Variants in DLC1 observed in about 807,000 individuals in gnomAD.
DLC1 encodes DLC1 Rho GTPase activating protein.
Under a neutral mutation model 140.3 loss-of-function variants are expected in DLC1, and 54 were observed. The observed-to-expected ratio is 0.38, with a 90% CI of 0.31 to 0.48. The LOEUF (loss-of-function observed/expected upper bound fraction) is 0.48, where lower values mean the gene tolerates loss of function less well. Among genes scored for constraint, DLC1 ranks in the 20% least tolerant of loss-of-function variants. DLC1 has a pLI of 0.96. For missense variants in DLC1, 2,536 were observed against 1,907.0 expected (o/e 1.33, Z -6.14); for synonymous variants, 986 against 728.1 (o/e 1.35, Z -5.70).
intron 1 of DLC1, among the ~76,000 whole-genome samples, chr8:13,539,470 G>T (rs1206118826): frequency 1.3e-5 from 2 of 152,072 alleles, no homozygotes; most frequent in African/African-American, 4.8e-5. Flanking sequence ...AAAGTGCTGG[G>T]ATTACAGGCG....
chr8:13,529,497 T>G (rs190404495), intron 1 of DLC1, among the ~76,000 whole-genome samples: 1 of 152,336 alleles, frequency 6.6e-6, no homozygotes, highest in Admixed American at 6.5e-5. Flanking sequence ...TTAATTACTC[T>G]CTTTTGTATA....
At chr8:13,310,674 C>G (rs1386725212) in intron 4 of DLC1, among the ~76,000 whole-genome samples, 1 of 152,192 alleles carries the variant, frequency 6.6e-6, no homozygotes, top group African/African-American at 2.4e-5. Context: ...TCACGCCATT[C>G]TGCAATATTG....
At chr8:13,322,745 G>T (rs1833176793) in intron 4 of DLC1, among the ~76,000 whole-genome samples, 1 of 152,132 alleles carries the variant, frequency 6.6e-6, no homozygotes, top group Non-Finnish European at 1.5e-5. Context: ...TTTCTTTACT[G>T]CATGGGGATG....
intron 2 of DLC1, among the ~76,000 whole-genome samples, chr8:13,453,437 T>TATATATGTGTATATATATAC (rs1799205738): frequency 2.8e-5 from 1 of 36,012 alleles, no homozygotes; most frequent in Non-Finnish European, 5.0e-5. Context: ...TATATATATA[T>TATATATGTGTATATATATAC]GTATATATAT....
At chr8:13,360,391 C>T (rs1321938227) in intron 4 of DLC1, among the ~76,000 whole-genome samples, 1 of 152,048 alleles carries the variant, frequency 6.6e-6, no homozygotes, top group Non-Finnish European at 1.5e-5. Flanking sequence ...TATAAAAGCC[C>T]CCCACGAGAT....
chr8:13,377,672 A>G (rs1836063139), intron 4 of DLC1, among the ~76,000 whole-genome samples: 1 of 152,116 alleles, frequency 6.6e-6, no homozygotes, highest in South Asian at 2.1e-4. Context: ...TGAAACGTCT[A>G]TATTTTCATA....
chr8:13,496,577 T>C (rs7813800), intron 2 of DLC1, among the ~76,000 whole-genome samples: 3,467 of 128,746 alleles, frequency 0.027, 58 homozygotes, highest in Non-Finnish European at 0.041. Context: ...CATATATATA[T>C]ACACACACAC....
intron 4 of DLC1, among the ~76,000 whole-genome samples, chr8:13,376,786 C>G (rs1479119365): frequency 2.0e-5 from 3 of 152,164 alleles, no homozygotes; most frequent in Non-Finnish European, 4.4e-5. Context: ...GAAGCAAGAT[C>G]AGACGGCTCT....
Position 13,365,173 on chromosome 8 carries a change from C to T in DLC1, c.1314+28380G>A, listed in dbSNP as rs75273506. 9.8e-3 allele frequency among the ~76,000 whole-genome samples: 1,490 copies of T among 152,220 alleles called. 21 individuals carry two copies. Among genetic ancestry groups the T allele is most frequent in the African/African-American group, 0.034 (1,395 of 41,518 alleles). ...TCCTGTTACTGGACTTTGCACAGGT[C>T]GAGAGAATACCCTGTAGGGATTCCT... On this transcript the variant is annotated intron_variant, in intron 4 of 17. Coordinates refer to ENST00000276297, the MANE Select transcript of DLC1 (RefSeq NM_182643.3).
chr8:13,332,640 C>T (rs1480223392), intron 4 of DLC1, among the ~76,000 whole-genome samples: 1 of 151,806 alleles, frequency 6.6e-6, no homozygotes, highest in Non-Finnish European at 1.5e-5. Flanking sequence ...GTTGGCCTGG[C>T]TTGGCTGATC....
chr8:13,096,210 A>G (rs1818487676), intron 10 of DLC1: 1 of 152,220 alleles, frequency 6.6e-6, no homozygotes, highest in African/African-American at 2.4e-5. Flanking sequence ...GTTTTGAGTC[A>G]CTGGAAACAC....
chr8:13,576,619 C>G (rs888188397), intron 1 of DLC1, among the ~76,000 whole-genome samples: 2 of 152,042 alleles, frequency 1.3e-5, no homozygotes, highest in Admixed American at 6.6e-5. Flanking sequence ...ATAATTTTCA[C>G]AAATTTAACT....
chr8:13,146,055 G>T (rs1022492519), intron 5 of DLC1, among the ~76,000 whole-genome samples: 7 of 152,020 alleles, frequency 4.6e-5, no homozygotes, highest in Admixed American at 1.3e-4. Flanking sequence ...GAGGCGGGTG[G>T]ATCACAAGGT....
chr8:13,490,724 T>C (rs779957231), intron 2 of DLC1, among the ~76,000 whole-genome samples: 3 of 152,174 alleles, frequency 2.0e-5, no homozygotes, highest in Non-Finnish European at 2.9e-5. Flanking sequence ...CAATGCACAA[T>C]TGGCTCTGAA....
intron 4 of DLC1, among the ~76,000 whole-genome samples, chr8:13,385,175 A>G (rs75512861): frequency 0.017 from 2,529 of 152,258 alleles, 97 homozygotes; most frequent in African/African-American, 0.057. Context: ...ATTTCATATT[A>G]TAACTAATTT....
intron 5 of DLC1, among the ~76,000 whole-genome samples, chr8:13,152,256 C>T (rs745674649): frequency 2.5e-4 from 38 of 152,208 alleles, no homozygotes; most frequent in Non-Finnish European, 5.3e-4. Flanking sequence ...CAGAAGTTAC[C>T]ATCTAGTCAT....
At chr8:13,281,352 T>C (rs778532285) in intron 5 of DLC1, among the ~76,000 whole-genome samples, 28 of 152,194 alleles carry the variant, frequency 1.8e-4, no homozygotes, top group Non-Finnish European at 3.5e-4. Flanking sequence ...TAGGTGTATA[T>C]TGATGTTTGA....
intron 2 of DLC1, among the ~76,000 whole-genome samples, chr8:13,431,393 G>A (rs1454711970): frequency 7.2e-6 from 1 of 138,018 alleles, no homozygotes; most frequent in Non-Finnish European, 1.5e-5. Context: ...TGAGGCAGGA[G>A]AATGGTGTGA....
intron 4 of DLC1, among the ~76,000 whole-genome samples, chr8:13,307,237 A>G (rs10112506): frequency 0.32 from 49,094 of 152,016 alleles, 8,483 homozygotes; most frequent in Middle Eastern, 0.39. Context: ...ATGCTTCCAA[A>G]GATGCAGACG....
Sources: allele counts gnomAD v4.1 joint callset (sites outside exome capture counted in the v4.1 genomes callset), GRCh38; gene constraint gnomAD v4.1.1; transcripts MANE v1.5; gene names NCBI Gene and HGNC (gene_info 2026-07-23, HGNC 2026-07-21).